The following KAT6A variants were observed in gnomAD, a reference collection of about 807,000 sequenced individuals.
KAT6A encodes histone acetyltransferase KAT6A.
In KAT6A, 9 loss-of-function variants were observed where a neutral mutation model predicts 198.4. The ratio of observed to expected loss-of-function variants is 0.05; its 90% CI spans 0.03 to 0.08. KAT6A has a LOEUF of 0.08. Among genes scored for constraint, KAT6A ranks in the 10% least tolerant of loss-of-function variants. The pLI is 1.00. For synonymous variants in KAT6A, 890 were observed against 883.0 expected (o/e 1.01, Z -0.14); for missense variants, 2,077 against 2,509.9 (o/e 0.83, Z 3.69).
At position 41,977,207 on chromosome 8, in the gene KAT6A, A is replaced by G; in HGVS notation, c.1164T>C (p.Asp388=). The change falls in exon 7 of 17, where the codon GAT becomes GAC. Residue 388 remains aspartate (D), a synonymous_variant. Transcript: ENST00000265713. ...TGCTATCTCTGCAGAAGTCCAAGCC[A>G]TCTATCCGCTCTAAATATCCTTCTT... is the stretch of plus-strand genomic sequence containing the variant. ...SSEEGYLERI[D]GLDFCRDSNV... The G allele has an allele frequency of 1.2e-6, 2 of 1,614,202 alleles. No homozygotes were observed. The highest frequency in any genetic ancestry group is 1.1e-5 in the South Asian group (1 of 91,088).
At chr8:42,051,218 C>T (rs548424364) in intron 1 of KAT6A, among the ~76,000 whole-genome samples, 7 of 152,130 alleles carry the variant, frequency 4.6e-5, no homozygotes, top group African/African-American at 1.7e-4. Flanking sequence ...AGTCGCGCAC[C>T]GGGCCAAGCC....
intron 1 of KAT6A, among the ~76,000 whole-genome samples, chr8:42,051,299 T>A (rs1802621304): frequency 6.6e-6 from 1 of 151,544 alleles, no homozygotes; most frequent in South Asian, 2.1e-4. Flanking sequence ...ACACCACACG[T>A]GCTGCGCCTC....
intron 2 of KAT6A, among the ~76,000 whole-genome samples, chr8:42,038,252 T>C (rs905590655): frequency 3.9e-4 from 59 of 152,194 alleles, no homozygotes; most frequent in African/African-American, 1.4e-3. Flanking sequence ...TTAAGGTAGC[T>C]CAACATGTTC....
intron 15 of KAT6A, among the ~76,000 whole-genome samples, chr8:41,940,315 A>G (rs1822046278): frequency 6.6e-6 from 1 of 152,230 alleles, no homozygotes; most frequent in Admixed American, 6.5e-5. Flanking sequence ...ACCACGTTAA[A>G]CCACTGGAGG....
intron 15 of KAT6A, among the ~76,000 whole-genome samples, chr8:41,938,030 A>C (rs1477272922): frequency 6.6e-6 from 1 of 152,238 alleles, no homozygotes; most frequent in African/African-American, 2.4e-5. Context: ...AAGCTGTGGA[A>C]TGTAGAAATA....
chr8:41,967,307 T>TTTATTTATTTA, intron 8 of KAT6A, among the ~76,000 whole-genome samples: 1 of 49,504 alleles, frequency 2.0e-5, no homozygotes, highest in African/African-American at 1.3e-4. Context: ...TTATTTATTT[T>TTTATTTATTTA]TATTATACTT....
intron 2 of KAT6A, among the ~76,000 whole-genome samples, chr8:42,039,613 ATGAACT>A (rs1336502033): frequency 1.3e-5 from 2 of 152,246 alleles, no homozygotes; most frequent in Non-Finnish European, 2.9e-5. Flanking sequence ...CAAGTCCAGG[ATGAACT>A]AAAGAAAAAA....
intron 2 of KAT6A, among the ~76,000 whole-genome samples, chr8:42,001,700 T>C (rs773927255): frequency 6.6e-5 from 10 of 152,162 alleles, no homozygotes; most frequent in Non-Finnish European, 1.2e-4. Flanking sequence ...TAGCCAGAAG[T>C]AAGCTTAACA....
At chr8:42,005,763 T>TACACACACAC (rs142174569) in intron 2 of KAT6A, among the ~76,000 whole-genome samples, 14 of 142,128 alleles carry the variant, frequency 9.9e-5, no homozygotes, top group Middle Eastern at 3.6e-3. Flanking sequence ...TGCAAGCAAA[T>TACACACACAC]ACACACACAC....
chr8:42,029,066 G>GGT (rs1826980832), intron 2 of KAT6A, among the ~76,000 whole-genome samples: 1 of 152,094 alleles, frequency 6.6e-6, no homozygotes, highest in Non-Finnish European at 1.5e-5. Flanking sequence ...AGCTTTGTTA[G>GGT]GTGTAGTATT....
Position 41,972,129 on chromosome 8 carries a change from A to G in KAT6A, c.1482+2575T>C, listed in dbSNP as rs1823822988. Among the ~76,000 whole-genome samples, 2 of 152,250 alleles carry G rather than the reference A, an allele frequency of 1.3e-5. 1 individual carries two copies. Among genetic ancestry groups the G allele is most frequent in the Non-Finnish European group, 2.9e-5 (2 of 68,038 alleles). ...AATTTGGAACAATTTAAGCATCAAA[A>G]TAAATACTAATAGCAATGGATTATA... is the stretch of plus-strand genomic sequence containing the variant. On this transcript the variant is annotated intron_variant, in intron 8 of 16. Coordinates refer to ENST00000265713, the MANE Select transcript of KAT6A (RefSeq NM_006766.5).
At chr8:42,022,658 G>C (rs1826606881) in intron 2 of KAT6A, among the ~76,000 whole-genome samples, 1 of 152,008 alleles carries the variant, frequency 6.6e-6, no homozygotes, top group Non-Finnish European at 1.5e-5. Context: ...GAAAAATACA[G>C]GAATATCAAA....
Position 41,959,180 on chromosome 8 carries a change from A to AAAT in KAT6A, c.1483-3770_1483-3769insATT, listed in dbSNP as rs1281160673. Among the ~76,000 whole-genome samples the AAAT allele has an allele frequency of 2.1e-5, 3 of 142,546 alleles. 1 individual carries two copies. The allele number at this position is 142,546 out of a possible 152,430, so 93.5% of individuals were successfully genotyped here. Reference sequence around the variant, plus strand: ...TCTCGAAAAAAAAAAAAAAAAAAAAAGTTGGAAAAGTTTCTTTCCATTCTC... The same window carrying AAAT: ...TCTCGAAAAAAAAAAAAAAAAAAAAAAATGTTGGAAAAGTTTCTTTCCATTCTC... On this transcript the variant is annotated intron_variant, in intron 8 of 16. Transcript: ENST00000265713.
chr8:42,006,665 A>G (rs1269773849), intron 2 of KAT6A, among the ~76,000 whole-genome samples: 1 of 152,208 alleles, frequency 6.6e-6, no homozygotes, highest in Non-Finnish European at 1.5e-5. Context: ...TAGCAAGTAT[A>G]ATAAATGAAG....
intron 5 of KAT6A, 109 bp from the exon 6 acceptor site, chr8:41,978,886 T>C: frequency 1.0e-6 from 1 of 972,750 alleles, no homozygotes. Context: ...AAGACTGTCA[T>C]TAGAAAATCT....
chr8:41,942,664 T>TA, intron 14 of KAT6A, 129 bp downstream of exon 14: 1 of 1,066,308 alleles, frequency 9.4e-7, no homozygotes, highest in Non-Finnish European at 1.3e-6. Context: ...ACCACTGAAA[T>TA]AAAACTCTTG....
At chr8:42,041,887 ATT>A (rs1200291234) in intron 2 of KAT6A, among the ~76,000 whole-genome samples, 2 of 152,158 alleles carry the variant, frequency 1.3e-5, no homozygotes, top group African/African-American at 4.8e-5. Context: ...CCTTCAGAAG[ATT>A]TTTTGTTTTT....
intron 11 of KAT6A, among the ~76,000 whole-genome samples, chr8:41,947,392 C>CTAA (rs1822451383): frequency 1.3e-5 from 2 of 152,326 alleles, no homozygotes; most frequent in Admixed American, 1.3e-4. Context: ...CCTTCTTACT[C>CTAA]TTATTTCTAT....
At chr8:42,030,572 AT>A (rs919374731) in intron 2 of KAT6A, among the ~76,000 whole-genome samples, 38 of 148,502 alleles carry the variant, frequency 2.6e-4, no homozygotes, top group African/African-American at 6.7e-4. Flanking sequence ...TTTTATTATT[AT>A]TTTTTTTTTG....
Sources: allele counts gnomAD v4.1 joint callset (sites outside exome capture counted in the v4.1 genomes callset), GRCh38; gene constraint gnomAD v4.1.1; transcripts MANE v1.5; gene names NCBI Gene and HGNC (gene_info 2026-07-23, HGNC 2026-07-21).